The following DRC1 variants were observed in gnomAD, a reference collection of about 807,000 sequenced individuals.
DRC1 encodes the protein dynein regulatory complex protein 1.
In DRC1, 74 loss-of-function variants were observed where a neutral mutation model predicts 98.7. That is an observed-to-expected ratio of 0.75 (90% CI 0.62 to 0.91). DRC1 has a LOEUF of 0.91. Among genes scored for constraint, DRC1 ranks in the 40% least tolerant of loss-of-function variants. The probability of loss-of-function intolerance (pLI) is 0.00; values close to 1 mark genes in which losing one functional copy is unlikely to be tolerated. For synonymous variants in DRC1, 336 were observed against 334.1 expected (o/e 1.01, Z -0.06); for missense variants, 875 against 886.0 (o/e 0.99, Z 0.16).
At chr2:26,447,216 C>T (rs1189706045) in intron 10 of DRC1, among the ~76,000 whole-genome samples, 1 of 152,014 alleles carries the variant, frequency 6.6e-6, no homozygotes, top group East Asian at 1.9e-4. Flanking sequence ...AGTTTGAGAC[C>T]AGCCTGACCA....
At chr2:26,431,764 T>A (rs886106193) in intron 6 of DRC1, 120 bp from the exon 7 acceptor site, 1 of 1,487,608 alleles carries the variant, frequency 6.7e-7, no homozygotes, top group Non-Finnish European at 9.0e-7. Flanking sequence ...GCCACCAGAC[T>A]CCCTGTGGAG....
At chr2:26,440,592 A>G in intron 8 of DRC1, 75 bp downstream of exon 8, 2 of 1,469,644 alleles carry the variant, frequency 1.4e-6, no homozygotes, top group South Asian at 3.1e-5. Flanking sequence ...ACTTTTTTCT[A>G]TTGAAGGGGT....
chr2:26,423,796 G>A (rs559786242), intron 3 of DRC1, among the ~76,000 whole-genome samples: 2 of 152,342 alleles, frequency 1.3e-5, no homozygotes, highest in East Asian at 3.9e-4. Context: ...CCACTTGAAG[G>A]TAGATACTTT....
At chr2:26,437,189 G>C (rs975135923) in intron 7 of DRC1, among the ~76,000 whole-genome samples, 8 of 152,190 alleles carry the variant, frequency 5.3e-5, no homozygotes, top group Non-Finnish European at 1.2e-4. Context: ...GAGCTTCTGA[G>C]AATCCCTTTC....
intron 1 of DRC1, among the ~76,000 whole-genome samples, chr2:26,410,724 G>A (rs1260981776): frequency 6.6e-6 from 1 of 152,076 alleles, no homozygotes; most frequent in Non-Finnish European, 1.5e-5. Flanking sequence ...TAGCACAATG[G>A]ATGAAAATAG....
chr2:26,453,225 C>T (rs1302544273), intron 13 of DRC1, 95 bp from the exon 14 acceptor site: 1 of 1,468,028 alleles, frequency 6.8e-7, no homozygotes, highest in Non-Finnish European at 9.3e-7. Flanking sequence ...CTGTCACTTT[C>T]TGTAAACTTT....
intron 7 of DRC1, among the ~76,000 whole-genome samples, chr2:26,439,267 C>T (rs760803238): frequency 1.1e-4 from 16 of 152,212 alleles, no homozygotes; most frequent in Non-Finnish European, 1.8e-4. Flanking sequence ...CAGCTAGACA[C>T]GCCGTCTTCC....
rs1306232798 is a variant in DRC1 at position 26,444,217 on chromosome 2, A to G, written c.1029-5A>G. The G allele has an allele frequency of 1.2e-6, 2 of 1,613,970 alleles. No individual in the cohort carries two copies. The highest frequency in any genetic ancestry group is 2.2e-5 in the South Asian group (2 of 91,064). The stretch of plus-strand genomic sequence containing the variant: ...TGCAGACTAACCTTTTTCTCCTTCA[A>G]CCAGCCTGCATGATATACTTAACAA... On this transcript the variant is annotated splice_polypyrimidine_tract_variant and splice_region_variant and intron_variant, in intron 8 of 16. Coordinates refer to ENST00000288710, the MANE Select transcript of DRC1 (RefSeq NM_145038.5).
At position 26,448,705 on chromosome 2, in the gene DRC1, G is replaced by T; in HGVS notation, c.1411G>T (p.Glu471Ter). The T allele has an allele frequency of 6.2e-7, 1 of 1,614,214 alleles. No individual in the cohort carries two copies. The highest frequency in any genetic ancestry group is 1.1e-5 in the South Asian group (1 of 91,088). The part of the protein sequence containing the change: ...MLMRSEEEEA[E>*]EAAAEPESYL... The stretch of plus-strand genomic sequence containing the variant: ...CCCAACTGCAGAAGAGGAGGAGGCA[G>T]AAGAGGCCGCCGCGGAACCAGAGTC... The change falls in exon 11 of 17, where the codon GAA (glutamate) becomes TAA (stop). Residue 471 changes from glutamate to a stop codon, truncating the protein, a stop_gained. Coordinates refer to ENST00000288710, the MANE Select transcript of DRC1 (RefSeq NM_145038.5). LOFTEE classifies it high-confidence loss of function.
intron 7 of DRC1, among the ~76,000 whole-genome samples, chr2:26,436,313 C>T (rs1266377556): frequency 1.3e-5 from 2 of 152,008 alleles, no homozygotes; most frequent in African/African-American, 4.8e-5. Flanking sequence ...ACTCCCCCTG[C>T]CCTTTATTTT....
chr2:26,421,945 C>T (rs1299853437), intron 3 of DRC1, among the ~76,000 whole-genome samples: 4 of 152,160 alleles, frequency 2.6e-5, no homozygotes, highest in Admixed American at 2.6e-4. Context: ...GAGTGAAACA[C>T]GGCCTCTGTT....
In DRC1 at chr2:26,448,282, G is replaced by T. The variant is rs183317279; in HGVS notation, c.1397-409G>T. Reference sequence around the variant, plus strand: ...GCAAAGCCACCTGCCCCTGCTTTGAGTTGGCTGCTTCTGTCTAATCTGTTG... The same window carrying T: ...GCAAAGCCACCTGCCCCTGCTTTGATTTGGCTGCTTCTGTCTAATCTGTTG... On this transcript the variant is annotated intron_variant, in intron 10 of 16. Coordinates refer to ENST00000288710, the MANE Select transcript of DRC1 (RefSeq NM_145038.5). 3.5e-5 allele frequency: 16 copies of T among 457,202 alleles called. No individual in the cohort carries two copies. In the East Asian group the frequency reaches 1.1e-3, roughly 32 times the overall value. The allele number at this position is 457,202 out of a possible 1,614,324, so 28.3% of individuals were successfully genotyped here.
At chr2:26,418,157 A>C (rs1287546625) in intron 2 of DRC1, among the ~76,000 whole-genome samples, 1 of 151,994 alleles carries the variant, frequency 6.6e-6, no homozygotes, top group African/African-American at 2.4e-5. Context: ...TAGATTACTG[A>C]GTCCGATGGG....
Position 26,455,186 on chromosome 2 carries a change from C to T in DRC1, c.2119C>T (p.Gln707Ter), listed in dbSNP as rs1664112541. 1 of 1,613,992 alleles carries T rather than the reference C, an allele frequency of 6.2e-7. No homozygotes were observed. Residue 707 changes from glutamine (Q) to a stop codon, truncating the protein, a stop_gained, in exon 16 of 17, where the codon CAG becomes TAG. Coordinates refer to ENST00000288710, the MANE Select transcript of DRC1 (RefSeq NM_145038.5). LOFTEE classifies it high-confidence loss of function. Reference sequence around the variant, plus strand: ...GCTGGAAAACAGTTCTCTGGAGCAGCAGAACACAGAGCTGCAGGCGCTACT... The same window carrying T: ...GCTGGAAAACAGTTCTCTGGAGCAGTAGAACACAGAGCTGCAGGCGCTACT... ...LLLENSSLEQ[Q>*]NTELQALLQQ...
chr2:26,415,126 T>TA (rs1678753627), intron 2 of DRC1, among the ~76,000 whole-genome samples: 1 of 152,094 alleles, frequency 6.6e-6, no homozygotes, highest in Non-Finnish European at 1.5e-5. Context: ...AGCCGTGGGG[T>TA]AGTGCGTAGC....
At chr2:26,424,576 T>C in intron 4 of DRC1, 122 bp downstream of exon 4, 4 of 1,004,892 alleles carry the variant, frequency 4.0e-6, no homozygotes, top group Non-Finnish European at 5.7e-6. Flanking sequence ...TTTAGAATGC[T>C]GTACAAGTCA....
chr2:26,453,721 A>C (rs2148007080), intron 14 of DRC1, among the ~76,000 whole-genome samples, 172 bp downstream of exon 14: 1 of 152,348 alleles, frequency 6.6e-6, no homozygotes, highest in East Asian at 1.9e-4. Flanking sequence ...ACAGTCAGGA[A>C]AGCAATAGGG....
chr2:26,419,967 A>T (rs369868170), intron 2 of DRC1, among the ~76,000 whole-genome samples: 1 of 152,160 alleles, frequency 6.6e-6, no homozygotes, highest in Non-Finnish European at 1.5e-5. Flanking sequence ...GACTCCACAT[A>T]TCATTAGCTG....
At chr2:26,444,986 G>A in intron 10 of DRC1, 38 bp downstream of exon 10, 1 of 1,599,036 alleles carries the variant, frequency 6.3e-7, no homozygotes, top group Non-Finnish European at 8.5e-7. Context: ...AGAGCTGGAG[G>A]AGCCCCCTGA....
Sources: gnomAD v4.1 joint callset for allele counts (sites outside exome capture counted in the v4.1 genomes callset) on GRCh38, gnomAD v4.1.1 for gene constraint, MANE v1.5 for transcripts, NCBI Gene and HGNC (gene_info 2026-07-23, HGNC 2026-07-21) for gene names.